The following TBCK variants were observed in gnomAD, a reference collection of about 807,000 sequenced individuals.
The protein encoded by TBCK is TBC1 domain containing kinase.
TBCK carries 99 observed loss-of-function variants against 113.4 expected under a neutral mutation model. The observed-to-expected ratio is 0.87, with a 90% confidence interval of 0.74 to 1.03. The LOEUF is 1.03. Among genes scored for constraint, TBCK ranks in the 50% least tolerant of loss-of-function variants. The pLI is 0.00. For synonymous variants in TBCK, 369 were observed against 370.8 expected, an observed-to-expected ratio of 1.00 and a Z score of 0.05; for missense variants, 1,045 against 1,061.3, an observed-to-expected ratio of 0.98 and a Z score of 0.21.
At chr4:106,072,624 T>C (rs1737612022) in intron 25 of TBCK, among the ~76,000 whole-genome samples, 1 of 152,216 alleles carries the variant, frequency 6.6e-6, no homozygotes, top group Non-Finnish European at 1.5e-5. Flanking sequence ...CTGTATCTTC[T>C]GAATTTGAAT....
intron 12 of TBCK, chr4:106,238,855 A>C (rs1371886872): frequency 6.6e-6 from 1 of 152,122 alleles, no homozygotes; most frequent in Non-Finnish European, 1.5e-5. Context: ...AAGATCAATT[A>C]AAAGGTAATT....
intron 23 of TBCK, among the ~76,000 whole-genome samples, chr4:106,148,011 G>A (rs1009544613): frequency 6.6e-6 from 1 of 152,194 alleles, no homozygotes; most frequent in Non-Finnish European, 1.5e-5. Context: ...GGTCGAGGCT[G>A]TAGGGGTGAA....
intron 23 of TBCK, among the ~76,000 whole-genome samples, chr4:106,149,549 G>C (rs548401225): frequency 2.0e-5 from 3 of 152,246 alleles, no homozygotes; most frequent in Admixed American, 2.0e-4. Flanking sequence ...TGGCTGGTTG[G>C]GGGAGCAATG....
At chr4:106,307,646 T>C (rs114608686) in intron 2 of TBCK, among the ~76,000 whole-genome samples, 3 of 152,134 alleles carry the variant, frequency 2.0e-5, no homozygotes, top group African/African-American at 4.8e-5. Context: ...ACCAACTACA[T>C]AGGGTTTACT....
intron 19 of TBCK, among the ~76,000 whole-genome samples, chr4:106,218,576 T>A: frequency 3.6e-5 from 2 of 55,992 alleles, no homozygotes; most frequent in African/African-American, 1.3e-4. Context: ...AACAGACACC[T>A]CTCAAAAGAA....
intron 12 of TBCK, among the ~76,000 whole-genome samples, chr4:106,239,667 T>C (rs1454993149): frequency 6.6e-6 from 1 of 151,942 alleles, no homozygotes; most frequent in Non-Finnish European, 1.5e-5. Flanking sequence ...CATATAACTT[T>C]AGAAAATGAT....
At position 106,116,278 on chromosome 4, in the gene TBCK, TG is replaced by T; in HGVS notation, c.2335del (p.His779ThrfsTer85). On this transcript the variant is annotated frameshift_variant, in exon 24 of 26. Coordinates refer to ENST00000394708, the MANE Select transcript of TBCK (RefSeq NM_001163435.3). LOFTEE classifies it high-confidence loss of function. ...TGTTTTCTTGCTGGGTGTTTTGAAG[TG>T]GCCTGTCACTGTGAGCTCACACAAG... is the stretch of plus-strand genomic sequence containing the variant. ...IDLCELTVTG[H>X]FKTPSKKTKS... The T allele has an allele frequency of 1.2e-6, 2 of 1,614,058 alleles. No individual in the cohort carries two copies. Among genetic ancestry groups the T allele is most frequent in the Non-Finnish European group, 1.7e-6 (2 of 1,180,016 alleles).
Position 106,247,293 on chromosome 4 carries a change from G to A in TBCK, c.783-6C>T, listed in dbSNP as rs1244304029. On this transcript the variant is annotated splice_region_variant and splice_polypyrimidine_tract_variant and intron_variant, in intron 9 of 25. Coordinates refer to ENST00000394708, the MANE Select transcript of TBCK (RefSeq NM_001163435.3). The stretch of plus-strand genomic sequence containing the variant: ...TTAATTGATCTGGGGTTGGCCTTGA[G>A]AACATTTAAAATACAGAGCATGAAT... 6.2e-7 allele frequency: 1 copy of A among 1,610,150 alleles called. No homozygotes were observed. The highest frequency in any genetic ancestry group is 8.5e-7 in the Non-Finnish European group (1 of 1,177,378).
At chr4:106,055,576 A>G (rs1192794774) in intron 25 of TBCK, among the ~76,000 whole-genome samples, 1 of 150,832 alleles carries the variant, frequency 6.6e-6, no homozygotes, top group Non-Finnish European at 1.5e-5. Context: ...ACACACACAC[A>G]TATATATAAT....
At chr4:106,179,930 G>T (rs1161243029) in intron 22 of TBCK, among the ~76,000 whole-genome samples, 1 of 151,360 alleles carries the variant, frequency 6.6e-6, no homozygotes, top group African/African-American at 2.4e-5. Flanking sequence ...GAGTTGGTTG[G>T]GTGTATATAT....
chr4:106,255,568 C>T (rs967912705), intron 5 of TBCK, among the ~76,000 whole-genome samples: 9 of 152,118 alleles, frequency 5.9e-5, no homozygotes, highest in East Asian at 1.9e-4. Context: ...TGGTTGTGCC[C>T]GGAAACTTGG....
intron 3 of TBCK, among the ~76,000 whole-genome samples, chr4:106,272,555 G>A (rs771767404): frequency 1.4e-5 from 2 of 146,624 alleles, no homozygotes; most frequent in Non-Finnish European, 3.0e-5. Context: ...GCAGAGGTGC[G>A]ATCTTGGCTC....
At chr4:106,297,161 T>C (rs1766402713) in intron 2 of TBCK, among the ~76,000 whole-genome samples, 1 of 152,176 alleles carries the variant, frequency 6.6e-6, no homozygotes, top group Non-Finnish European at 1.5e-5. Context: ...TGTTTTCTCA[T>C]CTATTCCCAA....
In TBCK at chr4:106,238,635, G is replaced by A. The variant is rs1759739312; in HGVS notation, c.1171-1827C>T. ...GGCTATGAATGGTTAAAAATAAAAA[G>A]GCTAGGACTTCCACTTTCTTATACA... is the stretch of plus-strand genomic sequence containing the variant. On this transcript the variant is annotated intron_variant, in intron 12 of 25. Coordinates refer to ENST00000394708, the MANE Select transcript of TBCK (RefSeq NM_001163435.3). 4 of 152,234 alleles carry A rather than the reference G, an allele frequency of 2.6e-5. 1 individual carries two copies. Among genetic ancestry groups the A allele is most frequent in the South Asian group, 4.1e-4 (2 of 4,828 alleles). 9.4% of individuals were successfully genotyped at this position (152,234 alleles called of 1,614,324 possible). A position where few individuals can be genotyped will look rare whatever the true frequency, so the allele number is the denominator to read the frequency against.
At chr4:106,123,614 T>C (rs1284014267) in intron 23 of TBCK, among the ~76,000 whole-genome samples, 2 of 152,150 alleles carry the variant, frequency 1.3e-5, no homozygotes, top group African/African-American at 4.8e-5. Flanking sequence ...ACTACCTGAC[T>C]TCAAACTATA....
At chr4:106,122,371 T>G (rs1043550579) in intron 23 of TBCK, among the ~76,000 whole-genome samples, 1 of 152,104 alleles carries the variant, frequency 6.6e-6, no homozygotes, top group Non-Finnish European at 1.5e-5. Context: ...GCTGAAATTG[T>G]GGCAATAATC....
intron 16 of TBCK, 50 bp downstream of exon 16, chr4:106,233,538 A>C (rs1759109824): frequency 6.8e-7 from 1 of 1,468,570 alleles, no homozygotes; most frequent in Admixed American, 1.7e-5. Flanking sequence ...CCTAAAATTT[A>C]AATATTTGGC....
chr4:106,113,343 A>G (rs771533074), intron 24 of TBCK, among the ~76,000 whole-genome samples: 3 of 152,224 alleles, frequency 2.0e-5, no homozygotes, highest in Non-Finnish European at 4.4e-5. Context: ...GGACCCTGCA[A>G]CACTACTAGC....
chr4:106,159,028 T>A (rs1003203748), intron 23 of TBCK, among the ~76,000 whole-genome samples: 2 of 142,918 alleles, frequency 1.4e-5, no homozygotes. Flanking sequence ...ATTAACAGAA[T>A]GGAGAGAAAA....
Sources: gnomAD v4.1 joint callset for allele counts (sites outside exome capture counted in the v4.1 genomes callset) on GRCh38, gnomAD v4.1.1 for gene constraint, MANE v1.5 for transcripts, NCBI Gene and HGNC (gene_info 2026-07-23, HGNC 2026-07-21) for gene names.